The following MACROD2 variants were observed in gnomAD, a reference collection of about 807,000 sequenced individuals.
MACROD2 encodes the protein ADP-ribose glycohydrolase MACROD2.
A neutral mutation model predicts 70.4 loss-of-function variants in MACROD2; 36 were observed. The observed-to-expected ratio is 0.51, with a 90% confidence interval of 0.39 to 0.68. MACROD2 has a LOEUF of 0.68. Among genes scored for constraint, MACROD2 ranks in the 30% least tolerant of loss-of-function variants. The probability of loss-of-function intolerance (pLI) is 0.00; values close to 1 mark genes in which losing one functional copy is unlikely to be tolerated. For synonymous variants in MACROD2, 172 were observed against 178.8 expected (o/e 0.96, Z 0.30); for missense variants, 496 against 538.4 (o/e 0.92, Z 0.78).
chr20:14,729,849 G>T (rs1366260708), intron 5 of MACROD2, among the ~76,000 whole-genome samples: 1 of 151,924 alleles, frequency 6.6e-6, no homozygotes, highest in Non-Finnish European at 1.5e-5. Context: ...AGCAGCAAAG[G>T]TAGGATTATA....
intron 6 of MACROD2, among the ~76,000 whole-genome samples, chr20:15,392,455 T>G (rs2045805320): frequency 6.6e-6 from 1 of 152,200 alleles, no homozygotes; most frequent in African/African-American, 2.4e-5. Flanking sequence ...TCCATATTTT[T>G]ATATTCACGT....
At chr20:15,125,083 G>A (rs571543145) in intron 5 of MACROD2, among the ~76,000 whole-genome samples, 2 of 152,044 alleles carry the variant, frequency 1.3e-5, no homozygotes, top group South Asian at 2.1e-4. Context: ...CTATTATACC[G>A]CTTTTGTGAA....
At chr20:14,949,003 C>T (rs1022040536) in intron 5 of MACROD2, among the ~76,000 whole-genome samples, 1 of 152,096 alleles carries the variant, frequency 6.6e-6, no homozygotes, top group South Asian at 2.1e-4. Context: ...GTGTTCTCTC[C>T]TCCATTCTGA....
At chr20:14,578,401 G>A (rs1164530925) in intron 4 of MACROD2, among the ~76,000 whole-genome samples, 2 of 152,034 alleles carry the variant, frequency 1.3e-5, no homozygotes, top group Non-Finnish European at 2.9e-5. Flanking sequence ...TTGTAGGCAG[G>A]GATTTTTAGT....
intron 2 of MACROD2, among the ~76,000 whole-genome samples, chr20:14,017,612 T>A (rs2148621647): frequency 1.3e-5 from 2 of 152,252 alleles, no homozygotes; most frequent in South Asian, 4.1e-4. Context: ...GTTGGAGTAT[T>A]ACATTGATTA....
At chr20:14,310,336 T>C (rs1024585198) in intron 3 of MACROD2, among the ~76,000 whole-genome samples, 1 of 152,144 alleles carries the variant, frequency 6.6e-6, no homozygotes, top group East Asian at 1.9e-4. Flanking sequence ...GGATAAAAGG[T>C]ACCATAAAAT....
At chr20:15,166,203 A>C (rs1332622385) in intron 5 of MACROD2, among the ~76,000 whole-genome samples, 2 of 152,178 alleles carry the variant, frequency 1.3e-5, no homozygotes, top group African/African-American at 4.8e-5. Flanking sequence ...ACTGGATTTT[A>C]CTACAGTGGA....
chr20:14,615,049 A>C (rs1471451854), intron 4 of MACROD2, among the ~76,000 whole-genome samples: 1 of 152,130 alleles, frequency 6.6e-6, no homozygotes, highest in African/African-American at 2.4e-5. Context: ...ATAATTGGAC[A>C]GGGAAAGAAG....
intron 10 of MACROD2, among the ~76,000 whole-genome samples, chr20:15,927,522 C>A (rs2065508535): frequency 6.6e-6 from 1 of 152,034 alleles, no homozygotes; most frequent in Admixed American, 6.6e-5. Context: ...TCTTCATCTG[C>A]AAAAATGGAG....
intron 3 of MACROD2, among the ~76,000 whole-genome samples, chr20:14,360,175 G>A (rs2083208433): frequency 6.6e-6 from 1 of 152,012 alleles, no homozygotes; most frequent in African/African-American, 2.4e-5. Context: ...TAGGCGTGAG[G>A]AATAAGTTCA....
intron 5 of MACROD2, among the ~76,000 whole-genome samples, chr20:14,746,061 C>T (rs2071796014): frequency 6.6e-6 from 1 of 152,076 alleles, no homozygotes; most frequent in Admixed American, 6.6e-5. Flanking sequence ...ATGGCTACTC[C>T]TCTCATATTA....
At position 15,009,597 on chromosome 20, in the gene MACROD2, T is replaced by G. The variant is rs890563000; in HGVS notation, c.419-220343T>G. 2.0e-5 allele frequency among the ~76,000 whole-genome samples: 3 copies of G among 152,182 alleles called. 1 individual carries two copies. In the South Asian group the frequency reaches 6.2e-4, roughly 31 times the overall value. Reference sequence around the variant, plus strand: ...TGTTTATCTGAGCAAAACTATATCATGAGACTAATTATCCCTCTTGGGTTT... The same window carrying G: ...TGTTTATCTGAGCAAAACTATATCAGGAGACTAATTATCCCTCTTGGGTTT... On this transcript the variant is annotated intron_variant, in intron 5 of 17. Transcript: ENST00000684519.
intron 7 of MACROD2, among the ~76,000 whole-genome samples, chr20:15,435,723 C>A (rs2046419599): frequency 6.6e-6 from 1 of 152,140 alleles, no homozygotes. Context: ...TAGAGTGGAT[C>A]ATGGTCCATT....
At chr20:15,255,666 A>C (rs183051478) in intron 6 of MACROD2, among the ~76,000 whole-genome samples, 1 of 152,144 alleles carries the variant, frequency 6.6e-6, no homozygotes, top group South Asian at 2.1e-4. Context: ...AGTAATAAGC[A>C]AGCTCTTTCA....
intron 3 of MACROD2, among the ~76,000 whole-genome samples, chr20:14,351,343 G>T (rs2083121560): frequency 6.6e-6 from 1 of 151,820 alleles, no homozygotes; most frequent in Non-Finnish European, 1.5e-5. Flanking sequence ...GGGTGGTATG[G>T]ATATTTTAAT....
intron 2 of MACROD2, among the ~76,000 whole-genome samples, chr20:14,046,503 C>T (rs2053477133): frequency 6.6e-6 from 1 of 152,116 alleles, no homozygotes; most frequent in Non-Finnish European, 1.5e-5. Flanking sequence ...TAGTAAGTTT[C>T]AGTATGCCTT....
At chr20:15,491,113 G>T (rs983726116) in intron 7 of MACROD2, among the ~76,000 whole-genome samples, 1 of 152,094 alleles carries the variant, frequency 6.6e-6, no homozygotes, top group Non-Finnish European at 1.5e-5. Context: ...AACAGCAGCG[G>T]CACTAGCAGC....
chr20:15,555,768 G>T (rs1291012158), intron 8 of MACROD2, among the ~76,000 whole-genome samples: 1 of 137,336 alleles, frequency 7.3e-6, no homozygotes, highest in Non-Finnish European at 1.5e-5. Context: ...GGCGGAGGTT[G>T]CAGTGAGCCA....
intron 8 of MACROD2, among the ~76,000 whole-genome samples, chr20:15,588,639 T>C (rs2048636169): frequency 6.6e-6 from 1 of 152,188 alleles, no homozygotes; most frequent in Admixed American, 6.5e-5. Context: ...CTAAATCATC[T>C]TTCTCAAGTT....
Sources: gnomAD v4.1 joint callset for allele counts (sites outside exome capture counted in the v4.1 genomes callset) on GRCh38, gnomAD v4.1.1 for gene constraint, MANE v1.5 for transcripts, NCBI Gene and HGNC (gene_info 2026-07-23, HGNC 2026-07-21) for gene names.